The following FRMD3 variants were observed in gnomAD, a reference collection of about 807,000 sequenced individuals.
FRMD3 encodes the protein FERM domain-containing protein 3.
FRMD3 carries 33 observed loss-of-function variants against 70.2 expected under a neutral mutation model. The ratio of observed to expected loss-of-function variants is 0.47; its 90% CI spans 0.36 to 0.63. The LOEUF (loss-of-function observed/expected upper bound fraction) is 0.63. FRMD3 is among the 20% of genes least tolerant of loss of function. The pLI, the probability that FRMD3 is intolerant of heterozygous loss-of-function variation, is 0.00. For missense variants in FRMD3, 632 were observed against 711.4 expected, an observed-to-expected ratio of 0.89 and a Z score of 1.27; for synonymous variants, 279 against 255.9, an observed-to-expected ratio of 1.09 and a Z score of -0.86.
chr9:83,285,204 A>G (rs10867973), intron 13 of FRMD3, among the ~76,000 whole-genome samples: 72,064 of 152,086 alleles, frequency 0.47, 19,881 homozygotes, highest in South Asian at 0.76. Flanking sequence ...TTGCCATCAC[A>G]TGCACAACAC....
At chr9:83,342,002 C>T (rs1823772890) in intron 5 of FRMD3, among the ~76,000 whole-genome samples, 1 of 151,432 alleles carries the variant, frequency 6.6e-6, no homozygotes, top group Non-Finnish European at 1.5e-5. Context: ...CCATCAGAAG[C>T]TCCTGTGTTA....
At chr9:83,308,428 A>G (rs1259293998) in intron 10 of FRMD3, among the ~76,000 whole-genome samples, 1 of 152,158 alleles carries the variant, frequency 6.6e-6, no homozygotes, top group Non-Finnish European at 1.5e-5. Flanking sequence ...TCATCAGCCA[A>G]AGCCCAGGAG....
intron 1 of FRMD3, among the ~76,000 whole-genome samples, chr9:83,483,932 G>A (rs1319187447): frequency 6.6e-6 from 1 of 152,144 alleles, no homozygotes; most frequent in African/African-American, 2.4e-5. Context: ...TTCCTCAAGG[G>A]CCATGAGAAA....
intron 12 of FRMD3, among the ~76,000 whole-genome samples, chr9:83,290,994 G>A (rs532419314): frequency 4.6e-5 from 7 of 152,032 alleles, no homozygotes; most frequent in Non-Finnish European, 1.0e-4. Flanking sequence ...AGCATGCTAG[G>A]TGACAGCCTG....
At chr9:83,563,737 T>C in the FRMD3 span, among the ~76,000 whole-genome samples, 1 of 152,162 alleles carries the variant, frequency 6.6e-6, no homozygotes, top group Admixed American at 6.5e-5. Flanking sequence ...AAGATGTCTT[T>C]CTGCTGCTTT....
intron 3 of FRMD3, 103 bp downstream of exon 3, chr9:83,372,810 C>G: frequency 9.5e-7 from 1 of 1,054,546 alleles, no homozygotes; most frequent in South Asian, 1.3e-5. Flanking sequence ...CCCCCAACAC[C>G]TCTTCAACTC....
chr9:83,573,735 C>T, the FRMD3 span, among the ~76,000 whole-genome samples: 5 of 133,748 alleles, frequency 3.7e-5, no homozygotes, highest in South Asian at 9.1e-4. Context: ...AGGAAAAGAA[C>T]GATTCTCTCT....
intron 6 of FRMD3, among the ~76,000 whole-genome samples, chr9:83,317,696 A>T (rs1835639448): frequency 6.6e-6 from 1 of 152,158 alleles, no homozygotes; most frequent in Non-Finnish European, 1.5e-5. Context: ...CTTTCTGACC[A>T]CTTCCTTGTC....
At chr9:83,528,442 GA>G (rs550572416) in intron 1 of FRMD3, among the ~76,000 whole-genome samples, 101 of 152,202 alleles carry the variant, frequency 6.6e-4, no homozygotes, top group African/African-American at 2.2e-3. Context: ...AGGCAAAGAA[GA>G]AGCATATAAG....
chr9:83,373,496 A>G (rs1415785897), intron 2 of FRMD3, among the ~76,000 whole-genome samples: 1 of 152,198 alleles, frequency 6.6e-6, no homozygotes. Context: ...TCATTTTCAG[A>G]GGCCTGAGGT....
At chr9:83,561,484 G>T in the FRMD3 span, among the ~76,000 whole-genome samples, 1 of 152,308 alleles carries the variant, frequency 6.6e-6, no homozygotes, top group South Asian at 2.1e-4. Context: ...TACTAGGTAT[G>T]CTGCAGTAAC....
chr9:83,408,596 TGAAAACTAGGTTGATTTATG>T (rs1826192848), intron 1 of FRMD3, among the ~76,000 whole-genome samples: 1 of 152,230 alleles, frequency 6.6e-6, no homozygotes, highest in Admixed American at 6.5e-5. Flanking sequence ...GGGCTTGATA[TGAAAACTAGGTTGATTTATG>T]GAAAATAGAT....
chr9:83,313,778 T>C (rs202008276), intron 6 of FRMD3, 31 bp from the exon 7 acceptor site: 70 of 1,533,174 alleles, frequency 4.6e-5, no homozygotes, highest in Middle Eastern at 1.7e-4. Flanking sequence ...TTGAGGCAGT[T>C]AAAATGGAAA....
At chr9:83,291,630 C>T (rs1587686202) in intron 12 of FRMD3, among the ~76,000 whole-genome samples, 1 of 152,112 alleles carries the variant, frequency 6.6e-6, no homozygotes, top group Non-Finnish European at 1.5e-5. Flanking sequence ...TCTTTCATAA[C>T]TCACTGCATT....
At chr9:83,410,726 C>A (rs1826255340) in intron 1 of FRMD3, among the ~76,000 whole-genome samples, 1 of 152,226 alleles carries the variant, frequency 6.6e-6, no homozygotes, top group African/African-American at 2.4e-5. Flanking sequence ...AATCTCCAAA[C>A]TGCTTTCTAC....
At chr9:83,347,513 ACAAAAGC>A (rs1461270328) in intron 4 of FRMD3, among the ~76,000 whole-genome samples, 4 of 152,220 alleles carry the variant, frequency 2.6e-5, no homozygotes, top group Admixed American at 1.3e-4. Context: ...TAGAGCATTT[ACAAAAGC>A]CCCAGAAATC....
chr9:83,476,208 AC>A (rs1828392448), intron 1 of FRMD3, among the ~76,000 whole-genome samples: 1 of 151,948 alleles, frequency 6.6e-6, no homozygotes, highest in African/African-American at 2.4e-5. Flanking sequence ...ACATGGCAAA[AC>A]CCCGTCCCTA....
At chr9:83,479,828 A>G (rs1828525494) in intron 1 of FRMD3, among the ~76,000 whole-genome samples, 1 of 148,346 alleles carries the variant, frequency 6.7e-6, no homozygotes, top group South Asian at 2.2e-4. Context: ...GGAAGGAAGG[A>G]AGGGAAAATG....
At chr9:83,313,441 T>C (rs1191809286) in intron 7 of FRMD3, among the ~76,000 whole-genome samples, 2 of 152,182 alleles carry the variant, frequency 1.3e-5, no homozygotes, top group Admixed American at 1.3e-4. Context: ...TAGGAAAATA[T>C]GGCTACTACA....
Sources: allele counts gnomAD v4.1 joint callset (sites outside exome capture counted in the v4.1 genomes callset), GRCh38; gene constraint gnomAD v4.1.1; transcripts MANE v1.5; gene names NCBI Gene and HGNC (gene_info 2026-07-23, HGNC 2026-07-21).